Variants in KCNIP4 observed in about 807,000 individuals in gnomAD.
KCNIP4 encodes Kv channel-interacting protein 4.
A neutral mutation model predicts 34.0 loss-of-function variants in KCNIP4; 12 were observed. The observed-to-expected ratio is 0.35, with a 90% confidence interval of 0.23 to 0.57. KCNIP4 has a LOEUF of 0.57. KCNIP4 is among the 20% of genes least tolerant of loss of function. The probability of loss-of-function intolerance (pLI) is 0.83; values close to 1 mark genes in which losing one functional copy is unlikely to be tolerated. For synonymous variants in KCNIP4, 124 were observed against 102.2 expected, an observed-to-expected ratio of 1.21 and a Z score of -1.29; for missense variants, 238 against 311.7, an observed-to-expected ratio of 0.76 and a Z score of 1.78.
intron 1 of KCNIP4, among the ~76,000 whole-genome samples, chr4:21,828,315 A>G (rs10011132): frequency 0.015 from 2,218 of 151,976 alleles, 43 homozygotes; most frequent in African/African-American, 0.05. Flanking sequence ...ATTGAAGGAC[A>G]GATAAACAAA....
chr4:20,942,114 A>G (rs1164831921), intron 1 of KCNIP4, among the ~76,000 whole-genome samples: 1 of 152,158 alleles, frequency 6.6e-6, no homozygotes, highest in Admixed American at 6.6e-5. Flanking sequence ...GACCGTTTAG[A>G]GATTGTTATT....
At chr4:21,532,391 A>C (rs1736762259) in intron 1 of KCNIP4, among the ~76,000 whole-genome samples, 1 of 152,180 alleles carries the variant, frequency 6.6e-6, no homozygotes, top group Admixed American at 6.5e-5. Context: ...GAACATACTT[A>C]ATAATAGATA....
chr4:21,114,957 A>C (rs1577718428), intron 1 of KCNIP4, among the ~76,000 whole-genome samples: 1 of 152,284 alleles, frequency 6.6e-6, no homozygotes, highest in Non-Finnish European at 1.5e-5. Context: ...AAGACTCAAA[A>C]ATAAAACAAA....
chr4:21,060,359 A>AT lies in KCNIP4; in HGVS notation c.62-177651dup, dbSNP rs201551491. Among the ~76,000 whole-genome samples the AT allele has an allele frequency of 7.7e-3, 1,179 of 152,182 alleles. 23 individuals carry two copies. The highest frequency in any genetic ancestry group is 0.027 in the African/African-American group (1,121 of 41,530). Reference sequence around the variant, plus strand: ...GATAATATCTTGCGGTTAACCCAGAATTTTTTCCCTACACAAAATTAGGGG... The same window carrying AT: ...GATAATATCTTGCGGTTAACCCAGAATTTTTTTCCCTACACAAAATTAGGGG... On this transcript the variant is annotated intron_variant, in intron 1 of 8. Coordinates refer to ENST00000382152, the MANE Select transcript of KCNIP4 (RefSeq NM_025221.6).
chr4:21,613,598 A>C (rs1352905639), intron 1 of KCNIP4: 1 of 152,186 alleles, frequency 6.6e-6, no homozygotes, highest in African/African-American at 2.4e-5. Flanking sequence ...TTAAGCCACT[A>C]AATTTTGAGG....
rs11943076 is a variant in KCNIP4, at chr4:21,353,886, G to C, written c.62-471177C>G. ...TTGAAATGAAGGAAAAAGTGTTAAG[G>C]GCAGCCAGAAAGAAAGGTCGGGTTA... On this transcript the variant is annotated intron_variant, in intron 1 of 8. Transcript: ENST00000382152. 2.6e-3 allele frequency among the ~76,000 whole-genome samples: 390 copies of C among 152,242 alleles called. 1 individual carries two copies. The highest frequency in any genetic ancestry group is 9.0e-3 in the African/African-American group (372 of 41,550).
At chr4:20,925,196 G>A (rs1434957) in intron 1 of KCNIP4, among the ~76,000 whole-genome samples, 45,943 of 151,878 alleles carry the variant, frequency 0.3, 7,194 homozygotes, top group South Asian at 0.4. Context: ...TTTGGATGAG[G>A]ATTCACAAGT....
intron 1 of KCNIP4, among the ~76,000 whole-genome samples, chr4:20,886,740 T>C (rs1216554805): frequency 6.6e-6 from 1 of 152,184 alleles, no homozygotes; most frequent in Non-Finnish European, 1.5e-5. Context: ...ATAGCCAAAG[T>C]TGACTGATCC....
chr4:21,822,373 T>G (rs1407683374), intron 1 of KCNIP4, among the ~76,000 whole-genome samples: 1 of 152,124 alleles, frequency 6.6e-6, no homozygotes, highest in Non-Finnish European at 1.5e-5. Flanking sequence ...GGGATTTTAT[T>G]AGGACAAATC....
intron 1 of KCNIP4, among the ~76,000 whole-genome samples, chr4:20,978,802 T>A (rs1010466844): frequency 1.3e-5 from 2 of 152,178 alleles, no homozygotes; most frequent in African/African-American, 4.8e-5. Context: ...AGTATTCTTT[T>A]TCTTCTTATG....
intron 3 of KCNIP4, among the ~76,000 whole-genome samples, chr4:20,825,272 G>T (rs1311049289): frequency 1.4e-5 from 2 of 140,510 alleles, no homozygotes; most frequent in South Asian, 4.6e-4. Flanking sequence ...GTTGGGATGA[G>T]GAATAGATTG....
intron 1 of KCNIP4, among the ~76,000 whole-genome samples, chr4:21,467,154 C>A (rs1024262447): frequency 6.7e-6 from 1 of 150,298 alleles, no homozygotes; most frequent in Non-Finnish European, 1.5e-5. Flanking sequence ...GATACAACAA[C>A]TTTTCTTCTG....
intron 1 of KCNIP4, among the ~76,000 whole-genome samples, chr4:20,902,024 C>A (rs1481028301): frequency 6.6e-6 from 1 of 152,110 alleles, no homozygotes; most frequent in Non-Finnish European, 1.5e-5. Context: ...GGTACAAGGT[C>A]ATGATGAGCT....
intron 1 of KCNIP4, among the ~76,000 whole-genome samples, chr4:21,253,815 T>C (rs1760881434): frequency 6.6e-6 from 1 of 152,288 alleles, no homozygotes; most frequent in African/African-American, 2.4e-5. Context: ...CAAATGTCCA[T>C]TTGCAGATAA....
intron 1 of KCNIP4, among the ~76,000 whole-genome samples, chr4:21,676,848 A>C (rs770868544): frequency 1.2e-4 from 18 of 152,146 alleles, no homozygotes; most frequent in Non-Finnish European, 1.8e-4. Flanking sequence ...TAAATATATC[A>C]GATAAAATTA....
At chr4:21,216,169 C>A (rs1187209454) in intron 1 of KCNIP4, among the ~76,000 whole-genome samples, 1 of 152,146 alleles carries the variant, frequency 6.6e-6, no homozygotes, top group Non-Finnish European at 1.5e-5. Flanking sequence ...TTACAAGGAT[C>A]AGGTTTTTTG....
At chr4:21,153,482 T>C (rs1464290284) in intron 1 of KCNIP4, among the ~76,000 whole-genome samples, 1 of 141,310 alleles carries the variant, frequency 7.1e-6, no homozygotes, top group African/African-American at 2.6e-5. Context: ...TATATACATA[T>C]ATATGTGTAT....
In KCNIP4 at chr4:21,646,203, G is replaced by T. The variant is rs986909910; in HGVS notation, c.61+302368C>A. ...ATTATCCTCCACTTGGCCTTATGCT[G>T]TCAGACTCTGTATAGTAGATTCTAT... On this transcript the variant is annotated intron_variant, in intron 1 of 8. Coordinates refer to ENST00000382152, the MANE Select transcript of KCNIP4 (RefSeq NM_025221.6). 1.2e-4 allele frequency among the ~76,000 whole-genome samples: 18 copies of T among 152,156 alleles called. No homozygotes were observed. The South Asian group carries it at 1.7e-3, about 14-fold the overall frequency.
chr4:21,635,478 G>C (rs28452169), intron 1 of KCNIP4, among the ~76,000 whole-genome samples: 19,693 of 152,098 alleles, frequency 0.13, 1,422 homozygotes, highest in African/African-American at 0.18. Flanking sequence ...AGTGGGCGAA[G>C]GACATGAACA....
Sources: allele counts gnomAD v4.1 joint callset (sites outside exome capture counted in the v4.1 genomes callset), GRCh38; gene constraint gnomAD v4.1.1; transcripts MANE v1.5; gene names NCBI Gene and HGNC (gene_info 2026-07-23, HGNC 2026-07-21).